The following CMSS1 variants were observed in gnomAD, a reference collection of about 807,000 sequenced individuals.
CMSS1 encodes the protein protein CMSS1.
Under a neutral mutation model 43.5 loss-of-function variants are expected in CMSS1, and 33 were observed. The observed-to-expected ratio is 0.76, with a 90% CI of 0.57 to 1.01. The LOEUF (loss-of-function observed/expected upper bound fraction) is 1.01. Ranked by LOEUF, CMSS1 falls within the 50% of genes least tolerant of loss-of-function variation. The pLI, the probability that CMSS1 is intolerant of heterozygous loss-of-function variation, is 0.00. For missense variants in CMSS1, 313 were observed against 326.4 expected, an observed-to-expected ratio of 0.96 and a Z score of 0.32; for synonymous variants, 115 against 117.2, an observed-to-expected ratio of 0.98 and a Z score of 0.12.
chr3:100,079,042 C>G (rs1206625576), intron 1 of CMSS1, among the ~76,000 whole-genome samples: 1 of 152,178 alleles, frequency 6.6e-6, no homozygotes, highest in Non-Finnish European at 1.5e-5. Context: ...CTCTCTTTTC[C>G]AAATGAGGTG....
chr3:100,172,235 G>T (rs1016986591), intron 7 of CMSS1, 81 bp from the exon 8 acceptor site: 3 of 1,258,508 alleles, frequency 2.4e-6, no homozygotes, highest in East Asian at 2.3e-5. Flanking sequence ...TCTTAACTTT[G>T]AGATAAAATG....
chr3:99,836,634 A>C (rs1264760988), intron 1 of CMSS1, among the ~76,000 whole-genome samples: 3 of 152,184 alleles, frequency 2.0e-5, no homozygotes, highest in African/African-American at 7.2e-5. Flanking sequence ...GGACCCTACC[A>C]TGTGCCCACA....
At chr3:100,094,980 G>A (rs980960476) in intron 1 of CMSS1, among the ~76,000 whole-genome samples, 2 of 152,000 alleles carry the variant, frequency 1.3e-5, no homozygotes, top group African/African-American at 2.4e-5. Flanking sequence ...GAGCCACTGC[G>A]CCTGGCCAAA....
chr3:100,047,886 A>C (rs1312173119), intron 1 of CMSS1, among the ~76,000 whole-genome samples: 1 of 152,120 alleles, frequency 6.6e-6, no homozygotes, highest in Non-Finnish European at 1.5e-5. Flanking sequence ...GCGAAAAATG[A>C]TAGGATGGAG....
intron 1 of CMSS1, among the ~76,000 whole-genome samples, chr3:99,863,317 T>G (rs548876005): frequency 6.6e-6 from 1 of 152,322 alleles, no homozygotes; most frequent in South Asian, 2.1e-4. Flanking sequence ...CTCATCCCGC[T>G]GCTCACCTCC....
chr3:99,931,114 A>G (rs1707468924), intron 1 of CMSS1: 3 of 1,142,672 alleles, frequency 2.6e-6, no homozygotes, highest in Non-Finnish European at 3.8e-6. Flanking sequence ...ACAAGTCTAC[A>G]TTCTTGTTAT....
intron 1 of CMSS1, among the ~76,000 whole-genome samples, chr3:100,131,747 C>T (rs2066710138): frequency 6.6e-6 from 1 of 152,156 alleles, no homozygotes; most frequent in Non-Finnish European, 1.5e-5. Context: ...ATAGAAAACT[C>T]ATAGGCAGAT....
chr3:100,173,527 G>A (rs1452392473), intron 8 of CMSS1, among the ~76,000 whole-genome samples: 2 of 152,194 alleles, frequency 1.3e-5, no homozygotes, highest in Non-Finnish European at 2.9e-5. Context: ...TACATAGACT[G>A]AGATCGATAG....
At chr3:99,975,461 G>A (rs1361291368) in intron 1 of CMSS1, among the ~76,000 whole-genome samples, 5 of 151,886 alleles carry the variant, frequency 3.3e-5, no homozygotes, top group Non-Finnish European at 5.9e-5. Flanking sequence ...GTATGGTGGC[G>A]GGCGCCTGTA....
chr3:99,943,131 C>G (rs1373002403), intron 1 of CMSS1, among the ~76,000 whole-genome samples: 1 of 152,134 alleles, frequency 6.6e-6, no homozygotes. Flanking sequence ...TAAAGGCGAA[C>G]TTAATTTCTG....
chr3:99,991,640 T>G (rs1193452147), intron 1 of CMSS1, among the ~76,000 whole-genome samples: 1 of 152,010 alleles, frequency 6.6e-6, no homozygotes, highest in Non-Finnish European at 1.5e-5. Flanking sequence ...GTGTCTGTTA[T>G]TCTACTCTGT....
At chr3:99,970,896 A>G (rs893108498) in intron 1 of CMSS1, among the ~76,000 whole-genome samples, 2 of 152,244 alleles carry the variant, frequency 1.3e-5, no homozygotes, top group Admixed American at 6.5e-5. Flanking sequence ...GAAAAAGACT[A>G]GAGGTGGGAA....
At chr3:100,047,001 C>T (rs938287956) in intron 1 of CMSS1, among the ~76,000 whole-genome samples, 1 of 152,184 alleles carries the variant, frequency 6.6e-6, no homozygotes, top group Non-Finnish European at 1.5e-5. Context: ...TAATAATTGA[C>T]TATCAACAGT....
At chr3:99,848,899 C>T (rs762179428) in intron 1 of CMSS1, 5 of 1,614,020 alleles carry the variant, frequency 3.1e-6, no homozygotes, top group East Asian at 4.5e-5. Flanking sequence ...AGAGTGAGGA[C>T]TCTCTGTGGT....
In CMSS1 at chr3:100,027,135, G is replaced by A. The variant is rs141972947; in HGVS notation, c.65-119838G>A. Among the ~76,000 whole-genome samples, 96 of 152,092 alleles carry A rather than the reference G, an allele frequency of 6.3e-4. 1 individual carries two copies. In the East Asian group the frequency reaches 0.018, roughly 28 times the overall value. On this transcript the variant is annotated intron_variant, in intron 1 of 9. Coordinates refer to ENST00000421999, the MANE Select transcript of CMSS1 (RefSeq NM_032359.4). Reference sequence around the variant, plus strand: ...ACACGCTATCTAAACTTACACACATGAATACACACATCCTTCCTCTCCACC... The same window carrying A: ...ACACGCTATCTAAACTTACACACATAAATACACACATCCTTCCTCTCCACC...
chr3:100,046,173 A>G (rs1345075642), intron 1 of CMSS1, among the ~76,000 whole-genome samples: 1 of 152,180 alleles, frequency 6.6e-6, no homozygotes, highest in Admixed American at 6.5e-5. Flanking sequence ...TTCCCAGGGC[A>G]CTGATAACTC....
At chr3:99,903,074 A>G (rs975965501) in intron 1 of CMSS1, among the ~76,000 whole-genome samples, 4 of 152,008 alleles carry the variant, frequency 2.6e-5, no homozygotes, top group Non-Finnish European at 4.4e-5. Context: ...TTGTGTCCCT[A>G]GGTACCTTAT....
intron 1 of CMSS1, among the ~76,000 whole-genome samples, chr3:100,085,435 G>A (rs1442357298): frequency 6.6e-6 from 1 of 152,066 alleles, no homozygotes; most frequent in African/African-American, 2.4e-5. Flanking sequence ...GCCCATTTGG[G>A]ACTATGCTTT....
At chr3:100,070,941 T>C (rs1320235301) in intron 1 of CMSS1, among the ~76,000 whole-genome samples, 1 of 152,214 alleles carries the variant, frequency 6.6e-6, no homozygotes, top group East Asian at 1.9e-4. Flanking sequence ...TGTGGTTTTC[T>C]TTGTGTATGA....
Sources: allele counts gnomAD v4.1 joint callset (sites outside exome capture counted in the v4.1 genomes callset), GRCh38; gene constraint gnomAD v4.1.1; transcripts MANE v1.5; gene names NCBI Gene and HGNC (gene_info 2026-07-23, HGNC 2026-07-21).